SMYD3: variants seen among roughly 807,000 people sequenced by gnomAD.
SMYD3 encodes the protein SET and MYND domain containing 3.
Under a neutral mutation model 57.7 loss-of-function variants are expected in SMYD3, and 36 were observed. The observed-to-expected ratio is 0.62, with a 90% CI of 0.48 to 0.82. The LOEUF is 0.82. Among genes scored for constraint, SMYD3 ranks in the 40% least tolerant of loss-of-function variants. The probability of loss-of-function intolerance (pLI) is 0.00; values close to 1 mark genes in which losing one functional copy is unlikely to be tolerated. For missense variants in SMYD3, 515 were observed against 538.8 expected, an observed-to-expected ratio of 0.96 and a Z score of 0.44; for synonymous variants, 211 against 195.0, an observed-to-expected ratio of 1.08 and a Z score of -0.68.
intron 5 of SMYD3, among the ~76,000 whole-genome samples, chr1:246,194,896 T>C (rs1028222036): frequency 8.5e-5 from 13 of 152,296 alleles, no homozygotes; most frequent in Middle Eastern, 3.4e-3. Flanking sequence ...GGGTCCCTCG[T>C]ACAATGAAGA....
chr1:246,009,647 C>T (rs2059242202), intron 5 of SMYD3, among the ~76,000 whole-genome samples: 2 of 151,856 alleles, frequency 1.3e-5, no homozygotes, highest in South Asian at 2.1e-4. Flanking sequence ...TGGCCAGAGC[C>T]GTAAGGCAAG....
At chr1:246,001,587 G>C (rs2059045144) in intron 5 of SMYD3, among the ~76,000 whole-genome samples, 1 of 152,180 alleles carries the variant, frequency 6.6e-6, no homozygotes, top group Non-Finnish European at 1.5e-5. Context: ...CGCTGGCTCT[G>C]CGAGCTGTGG....
In SMYD3 at chr1:245,963,257, C is replaced by G. The variant is rs142248109; in HGVS notation, c.532-33320G>C. 9.8e-3 allele frequency among the ~76,000 whole-genome samples: 1,487 copies of G among 152,224 alleles called. 16 individuals carry two copies. The highest frequency in any genetic ancestry group is 0.016 in the Non-Finnish European group (1,084 of 68,008). Reference sequence around the variant, plus strand: ...CTTTGCATCTTATAAATATACACAACTATAATTTCTCAATATACAGTGTTA... The same window carrying G: ...CTTTGCATCTTATAAATATACACAAGTATAATTTCTCAATATACAGTGTTA... On this transcript the variant is annotated intron_variant, in intron 5 of 11. Coordinates refer to ENST00000490107, the MANE Select transcript of SMYD3 (RefSeq NM_001167740.2).
intron 5 of SMYD3, among the ~76,000 whole-genome samples, chr1:246,267,386 A>T (rs2064129822): frequency 6.6e-6 from 1 of 152,180 alleles, no homozygotes; most frequent in South Asian, 2.1e-4. Context: ...GTATTATTTT[A>T]TGGTTTATGT....
chr1:246,184,670 T>C (rs1394931258), intron 5 of SMYD3, among the ~76,000 whole-genome samples: 1 of 152,202 alleles, frequency 6.6e-6, no homozygotes, highest in Non-Finnish European at 1.5e-5. Context: ...ATAGGATTAG[T>C]GTCCTCACAG....
intron 10 of SMYD3, chr1:245,814,448 T>A (rs888407539): frequency 1.2e-5 from 11 of 894,704 alleles, no homozygotes; most frequent in Non-Finnish European, 2.7e-6. Context: ...AACGAAAAAA[T>A]AAACAATAAA....
At chr1:246,408,010 C>T (rs976079426) in intron 1 of SMYD3, among the ~76,000 whole-genome samples, 1 of 151,896 alleles carries the variant, frequency 6.6e-6, no homozygotes, top group African/African-American at 2.4e-5. Context: ...GATGGTGTTG[C>T]TGTGTGTCCT....
chr1:246,369,900 CAA>C (rs11361676), intron 1 of SMYD3, among the ~76,000 whole-genome samples: 19 of 149,914 alleles, frequency 1.3e-4, no homozygotes, highest in Middle Eastern at 3.4e-3. Flanking sequence ...AAGTATAAAA[CAA>C]AAAAAAAAAT....
intron 1 of SMYD3, among the ~76,000 whole-genome samples, chr1:246,393,257 C>T (rs955014599): frequency 6.6e-6 from 1 of 152,094 alleles, no homozygotes; most frequent in Non-Finnish European, 1.5e-5. Flanking sequence ...AATTATATCT[C>T]AATGAAGTTC....
intron 8 of SMYD3, among the ~76,000 whole-genome samples, chr1:245,866,366 T>G (rs940164274): frequency 1.3e-4 from 20 of 151,594 alleles, no homozygotes; most frequent in African/African-American, 4.6e-4. Flanking sequence ...AGGTGCACTT[T>G]TTTTTTTTAA....
chr1:246,326,972 G>A lies in SMYD3; in HGVS notation c.531+229C>T, dbSNP rs1176111864. 16 of 543,046 alleles carry A rather than the reference G, an allele frequency of 2.9e-5. No homozygotes were observed. The East Asian group carries it at 4.8e-4, about 16-fold the overall frequency. 33.6% of individuals were successfully genotyped at this position (543,046 alleles called of 1,614,324 possible). The stretch of plus-strand genomic sequence containing the variant: ...AGGGTACACTTTGAGAATTCACAAT[G>A]AACATACTCAGGCAATAACAAGAAT... On this transcript the variant is annotated intron_variant, in intron 5 of 11. Transcript: ENST00000490107.
chr1:246,022,697 C>G (rs976718004), intron 5 of SMYD3, among the ~76,000 whole-genome samples: 2 of 152,166 alleles, frequency 1.3e-5, no homozygotes, highest in Non-Finnish European at 2.9e-5. Context: ...ATGGGTATAA[C>G]TAATATAACT....
intron 1 of SMYD3, among the ~76,000 whole-genome samples, chr1:246,395,258 G>A (rs2066641056): frequency 6.6e-6 from 1 of 152,206 alleles, no homozygotes; most frequent in Non-Finnish European, 1.5e-5. Context: ...CTTTTGGAAC[G>A]AGGAAAGCTC....
chr1:245,902,601 G>T (rs1388348054), intron 8 of SMYD3, among the ~76,000 whole-genome samples: 1 of 152,204 alleles, frequency 6.6e-6, no homozygotes, highest in Non-Finnish European at 1.5e-5. Context: ...CTGGCCCACT[G>T]CCACCATCAC....
At chr1:245,964,747 TACG>T (rs2058097023) in intron 5 of SMYD3, among the ~76,000 whole-genome samples, 1 of 149,030 alleles carries the variant, frequency 6.7e-6, no homozygotes, top group Admixed American at 6.7e-5. Context: ...AGCTTGAGGA[TACG>T]ACAACAGAAA....
At chr1:246,232,451 C>T (rs1000086692) in intron 5 of SMYD3, among the ~76,000 whole-genome samples, 1 of 151,954 alleles carries the variant, frequency 6.6e-6, no homozygotes, top group African/African-American at 2.4e-5. Flanking sequence ...CCATATACCA[C>T]AGAGAGGAGA....
intron 5 of SMYD3, among the ~76,000 whole-genome samples, chr1:246,125,516 G>C (rs1369226044): frequency 6.7e-6 from 1 of 148,884 alleles, no homozygotes; most frequent in African/African-American, 2.6e-5. Flanking sequence ...AAACTAAAGA[G>C]GAATAAACAA....
chr1:246,071,975 T>A (rs1416171975), intron 5 of SMYD3, among the ~76,000 whole-genome samples: 3 of 131,134 alleles, frequency 2.3e-5, no homozygotes, highest in Non-Finnish European at 5.1e-5. Flanking sequence ...GAGGGATTCG[T>A]GTGCTTTCCA....
intron 5 of SMYD3, among the ~76,000 whole-genome samples, chr1:245,961,038 C>A (rs1056726212): frequency 1.3e-5 from 2 of 152,168 alleles, no homozygotes. Context: ...TGTTGAAATT[C>A]TTCCATATGC....
Sources: allele counts gnomAD v4.1 joint callset (sites outside exome capture counted in the v4.1 genomes callset), GRCh38; gene constraint gnomAD v4.1.1; transcripts MANE v1.5; gene names NCBI Gene and HGNC (gene_info 2026-07-23, HGNC 2026-07-21).